Variants in RHOBTB2 observed in about 807,000 individuals in gnomAD.
RHOBTB2 encodes Rho related BTB domain containing 2, also known as rho-related BTB domain-containing protein 2.
Under a neutral mutation model 66.5 loss-of-function variants are expected in RHOBTB2, and 39 were observed. The observed-to-expected ratio is 0.59, with a 90% CI of 0.45 to 0.77. RHOBTB2 has a LOEUF of 0.77. Ranked by LOEUF, RHOBTB2 falls within the 30% of genes least tolerant of loss-of-function variation. The probability of loss-of-function intolerance (pLI) is 0.00; values close to 1 mark genes in which losing one functional copy is unlikely to be tolerated. For missense variants in RHOBTB2, 755 were observed against 999.1 expected (o/e 0.76, Z 3.29); for synonymous variants, 390 against 395.0 (o/e 0.99, Z 0.15).
the RHOBTB2 span, among the ~76,000 whole-genome samples, chr8:22,970,912 T>G: frequency 6.6e-6 from 1 of 152,198 alleles, no homozygotes; most frequent in Non-Finnish European, 1.5e-5. Flanking sequence ...GATTTGTAAT[T>G]TTCTAGTGCC....
chr8:23,003,330 C>T (rs1810842616), intron 1 of RHOBTB2, among the ~76,000 whole-genome samples: 1 of 152,368 alleles, frequency 6.6e-6, no homozygotes, highest in East Asian at 1.9e-4. Context: ...CAAGCCATCC[C>T]TCTCTGGGGG....
chr8:22,953,793 G>C, the RHOBTB2 span, among the ~76,000 whole-genome samples: 9,955 of 152,248 alleles, frequency 0.065, 406 homozygotes, highest in Middle Eastern at 0.16. Context: ...GTTCAGAGTT[G>C]ATTATGCAAT....
rs1328047091 is a variant in RHOBTB2 at position 23,010,538 on chromosome 8, G to A, written c.1621G>A (p.Val541Met). 3 of 1,612,474 alleles carry A rather than the reference G, an allele frequency of 1.9e-6. No individual in the cohort carries two copies. The highest frequency in any genetic ancestry group is 2.2e-5 in the East Asian group (1 of 44,794). ...GTCCGCTCACTCCTTCCCTCCCCAG[G>A]TGGTGTTTCCCTACACAAGCAAGAG... is the stretch of plus-strand genomic sequence containing the variant. Reference protein sequence around the residue: ...GPFVESSTREVVFPYTSKSCM... With the variant: ...GPFVESSTREMVFPYTSKSCM... Residue 541 changes from valine to methionine, a missense_variant and splice_region_variant, in exon 7 of 10, where the codon GTG (valine) becomes ATG (methionine). Around this residue, in one of 7 missense-constraint regions of RHOBTB2, gnomAD observed 353 missense variants for 458.2 expected, o/e 0.77. Coordinates refer to ENST00000251822, the MANE Select transcript of RHOBTB2 (RefSeq NM_015178.3).
rs1810719408 is a variant in RHOBTB2 at position 22,999,942 on chromosome 8, C to T, written c.-174C>T. The T allele has an allele frequency of 1.6e-5, 16 of 985,410 alleles. No individual in the cohort carries two copies. The South Asian group carries it at 5.6e-4, about 35-fold the overall frequency. 61.0% of individuals were successfully genotyped at this position (985,410 alleles called of 1,614,324 possible). On this transcript the variant is annotated 5_prime_UTR_variant, in exon 1 of 10. Transcript: ENST00000251822. ...CTGCCCTGCCGGAGTTTCTGAGTGG[C>T]CGCGAGCTGGCCGGGAGGCTGGAGC...
At chr8:22,972,760 C>A in the RHOBTB2 span, among the ~76,000 whole-genome samples, 12 of 152,224 alleles carry the variant, frequency 7.9e-5, no homozygotes, top group Admixed American at 5.9e-4. Context: ...CTGACCTGCT[C>A]CCCTGGCTGC....
In RHOBTB2 at chr8:23,004,373, ACGGCGAGC is replaced by A; in HGVS notation, c.-10-51_-10-44del. On this transcript the variant is annotated intron_variant, in intron 1 of 9. Transcript: ENST00000251822. The surrounding 1 kb of genome is among the most constrained non-coding windows in gnomAD (Gnocchi z 6.4). The stretch of plus-strand genomic sequence containing the variant: ...GAGCTGCGGGTGCTGGCCCTGGCCC[ACGGCGAGC>A]TGGCATGCCATGCCGTCCTGACCGC... 1 of 1,527,244 alleles carries A rather than the reference ACGGCGAGC, an allele frequency of 6.5e-7. No individual in the cohort carries two copies. The highest frequency in any genetic ancestry group is 9.1e-7 in the Non-Finnish European group (1 of 1,102,972). 94.6% of individuals were successfully genotyped at this position (1,527,244 alleles called of 1,614,324 possible).
the RHOBTB2 span, among the ~76,000 whole-genome samples, chr8:22,967,379 C>T: frequency 2.6e-5 from 4 of 151,902 alleles, no homozygotes; most frequent in African/African-American, 7.3e-5. Flanking sequence ...GAGGCTGAGG[C>T]GGGTGGATCA....
chr8:22,975,904 T>C, the RHOBTB2 span, among the ~76,000 whole-genome samples: 3 of 152,014 alleles, frequency 2.0e-5, no homozygotes, highest in East Asian at 3.9e-4. Flanking sequence ...TCTCAGCACT[T>C]TGGGAGGCCA....
intron 7 of RHOBTB2, among the ~76,000 whole-genome samples, chr8:23,011,631 G>A (rs1260814611): frequency 6.6e-6 from 1 of 152,180 alleles, no homozygotes; most frequent in African/African-American, 2.4e-5. Flanking sequence ...AGGGGCCAGG[G>A]AAGAGAAGTG....
At chr8:22,981,189 T>C in the RHOBTB2 span, among the ~76,000 whole-genome samples, 2 of 152,250 alleles carry the variant, frequency 1.3e-5, no homozygotes, top group African/African-American at 4.8e-5. Context: ...TTTCCTGTTG[T>C]AAAGCAAGTT....
chr8:23,010,748 G>A, intron 7 of RHOBTB2, 60 bp downstream of exon 7: 1 of 1,569,668 alleles, frequency 6.4e-7, no homozygotes, highest in Non-Finnish European at 8.7e-7. Context: ...ACCCCAAGGT[G>A]CAATGTTCTC....
the RHOBTB2 span, among the ~76,000 whole-genome samples, chr8:22,971,437 G>T: frequency 6.6e-6 from 1 of 151,356 alleles, no homozygotes; most frequent in East Asian, 1.9e-4. Flanking sequence ...CTTACATCTC[G>T]ACCTCCCAAA....
chr8:22,953,616 T>C, the RHOBTB2 span, among the ~76,000 whole-genome samples: 52 of 152,316 alleles, frequency 3.4e-4, no homozygotes, highest in African/African-American at 1.3e-3. Context: ...ATGAGGAAAT[T>C]AATTTCAATC....
At chr8:23,016,214 C>G (rs577962343) in intron 9 of RHOBTB2, among the ~76,000 whole-genome samples, 8 of 152,078 alleles carry the variant, frequency 5.3e-5, no homozygotes, top group African/African-American at 1.9e-4. Context: ...CCCTAGAACT[C>G]AACAGAAACT....
intron 2 of RHOBTB2, among the ~76,000 whole-genome samples, chr8:22,993,370 G>A (rs1016528340): frequency 4.6e-5 from 7 of 152,196 alleles, no homozygotes; most frequent in African/African-American, 1.2e-4. Context: ...CTTACTCTCC[G>A]TGCTGTCTGC....
At chr8:23,016,684 T>G (rs1352297894) in intron 9 of RHOBTB2, among the ~76,000 whole-genome samples, 1 of 152,148 alleles carries the variant, frequency 6.6e-6, no homozygotes, top group Non-Finnish European at 1.5e-5. Flanking sequence ...AGTGCTAGGA[T>G]TATAGGCATG....
chr8:22,996,583 A>C, upstream of RHOBTB2, among the ~76,000 whole-genome samples: 1 of 108,826 alleles, frequency 9.2e-6, no homozygotes, highest in African/African-American at 3.8e-5. Context: ...GTGTCTGTGT[A>C]TGTAACGGAA....
At chr8:22,964,789 TTTA>T in the RHOBTB2 span, among the ~76,000 whole-genome samples, 1 of 7,844 alleles carries the variant, frequency 1.3e-4, no homozygotes, top group South Asian at 6.4e-3. Context: ...CTTTATTTTA[TTTA>T]TTTATTTATT....
upstream of RHOBTB2, among the ~76,000 whole-genome samples, chr8:22,997,676 G>C (rs1311650514): frequency 6.6e-6 from 1 of 152,174 alleles, no homozygotes; most frequent in Non-Finnish European, 1.5e-5. Context: ...CGGGAGTTCT[G>C]TCTTCCTACT....
Sources: gnomAD v4.1 joint callset for allele counts (sites outside exome capture counted in the v4.1 genomes callset) on GRCh38, gnomAD v4.1.1 for gene constraint, gnomAD v4.1.1 regional missense constraint, Gnocchi (gnomAD v3.1) non-coding constraint, MANE v1.5 for transcripts, NCBI Gene and HGNC (gene_info 2026-07-23, HGNC 2026-07-21) for gene names.